The following ZNF717 variants were observed in gnomAD, a reference collection of about 807,000 sequenced individuals.
The protein encoded by ZNF717 is zinc finger protein 717.
A neutral mutation model predicts 13.8 loss-of-function variants in ZNF717; 9 were observed. That is an observed-to-expected ratio of 0.65 (90% confidence interval 0.39 to 1.14). The LOEUF is 1.14. Among genes scored for constraint, ZNF717 ranks in the 50% most tolerant of loss-of-function variants. ZNF717 has a pLI of 0.01. For missense variants in ZNF717, 1,040 were observed against 1,080.7 expected, an observed-to-expected ratio of 0.96 and a Z score of 0.53; for synonymous variants, 327 against 364.1, an observed-to-expected ratio of 0.90 and a Z score of 1.16.
rs113168258 is a variant in ZNF717, at chr3:75,738,125, T to C, written c.1498A>G (p.Thr500Ala). ...TCGTAGGGTTTTTCCCCTGTGTGAG[T>C]CCATTGATGGATAGTGAGGAATGAC... ...RKSFLTIHQW[T>A]HTGEKPYECN... The change falls in exon 5 of 5, where the codon ACT (threonine) becomes GCT (alanine). Residue 500 changes from threonine (T) to alanine (A), a missense_variant. By Grantham distance (58) the Thr-to-Ala change is moderately conservative (BLOSUM62 0). This residue lies in a region of ZNF717 where 873 missense variants were observed against 832.8 expected (regional missense o/e 1.05). Transcript: ENST00000652011. 1.5e-6 allele frequency: 2 copies of C among 1,356,774 alleles called. No homozygotes were observed. The highest frequency in any genetic ancestry group is 2.0e-6 in the Non-Finnish European group (2 of 1,014,804). The allele number at this position is 1,356,774 out of a possible 1,614,324, so 84.0% of individuals were successfully genotyped here.
intron 2 of ZNF717, among the ~76,000 whole-genome samples, chr3:75,764,705 T>C (rs1350604463): frequency 1.3e-5 from 2 of 151,976 alleles, no homozygotes; most frequent in East Asian, 3.9e-4. Flanking sequence ...ATTAGAGAAA[T>C]GCAAATAGAA....
intron 2 of ZNF717, among the ~76,000 whole-genome samples, chr3:75,777,926 T>C (rs1291346570): frequency 6.9e-6 from 1 of 145,462 alleles, no homozygotes; most frequent in Non-Finnish European, 1.5e-5. Flanking sequence ...GCGAGTGACA[T>C]GCTAAAACTG....
At chr3:75,697,064 G>C (rs1937611557) in intron 6 of ZNF717, among the ~76,000 whole-genome samples, 1 of 152,418 alleles carries the variant, frequency 6.6e-6, no homozygotes, top group East Asian at 1.9e-4. Flanking sequence ...CAGACCAACA[G>C]CTAGTATCAT....
rs1310921694 is a variant in ZNF717 at position 75,715,956 on chromosome 3, GT to G, written n.667+462del. 1.2e-4 allele frequency among the ~76,000 whole-genome samples: 17 copies of G among 142,378 alleles called. No homozygotes were observed. The South Asian group carries it at 1.7e-3, about 15-fold the overall frequency. 93.4% of individuals were successfully genotyped at this position (142,378 alleles called of 152,430 possible). A position where few individuals can be genotyped will look rare whatever the true frequency, so the allele number is the denominator to read the frequency against. ...CTTAATGTTTGAGAATGCGATTCTG[GT>G]TTTTTTTGGTTTGTTTTTTTGTTTT... On this transcript the variant is annotated intron_variant and non_coding_transcript_variant, in intron 5 of 5. Transcript: ENST00000491507.
At chr3:75,768,416 T>C (rs1381733295) in intron 2 of ZNF717, among the ~76,000 whole-genome samples, 2 of 129,488 alleles carry the variant, frequency 1.5e-5, no homozygotes, top group African/African-American at 6.0e-5. Context: ...TCACTGAGGC[T>C]GAGTGTGTCG....
Position 75,737,768 on chromosome 3 carries a change from A to T in ZNF717, c.1855T>A (p.Tyr619Asn), listed in dbSNP as rs77101176. Residue 619 changes from tyrosine to asparagine, a missense_variant, in exon 5 of 5, where the codon TAT (tyrosine) becomes AAT (asparagine). This residue lies in a region of ZNF717 where 873 missense variants were observed against 832.8 expected (regional missense o/e 1.05). Transcript: ENST00000652011. ...HKRTHTGERP[Y>N]ECNECGKTFR... ...GTTTTTCCACATTCATTACATTCAT[A>T]GGGTCTTTCCCCTGTGTGAGTTCTC... 1.3e-6 allele frequency: 2 copies of T among 1,550,758 alleles called. No homozygotes were observed. Among genetic ancestry groups the T allele is most frequent in the Non-Finnish European group, 1.7e-6 (2 of 1,146,120 alleles).
At chr3:75,734,812 T>C (rs1480290288), downstream of ZNF717, among the ~76,000 whole-genome samples, 1 of 17,826 alleles carries the variant, frequency 5.6e-5, no homozygotes, top group East Asian at 1.4e-3. Flanking sequence ...TATATATATA[T>C]ATATATTTTT....
chr3:75,763,493 T>G (rs1040100052), intron 2 of ZNF717, among the ~76,000 whole-genome samples: 2 of 152,234 alleles, frequency 1.3e-5, no homozygotes, highest in African/African-American at 4.8e-5. Context: ...ATCATGTATC[T>G]CATAAGAAGT....
intron 2 of ZNF717, chr3:75,742,000 A>G (rs1397805108): frequency 1.3e-5 from 6 of 472,564 alleles, no homozygotes; most frequent in Non-Finnish European, 2.2e-5. Context: ...TTTGTTTTGC[A>G]CTGTTTATGG....
In ZNF717 at chr3:75,738,579, A is replaced by C; in HGVS notation, c.1044T>G (p.Phe348Leu). The C allele has an allele frequency of 6.5e-7, 1 of 1,542,002 alleles. No individual in the cohort carries two copies. Among genetic ancestry groups the C allele is most frequent in the East Asian group, 2.5e-5 (1 of 40,598 alleles). Reference protein sequence around the residue: ...PYGCNECGKTFRRKSFLTLHE... With the variant: ...PYGCNECGKTLRRKSFLTLHE... Reference sequence around the variant, plus strand: ...GTAAAGTGAGGAATGACTTACGGCGAAAGGTTTTACCACATTCATTGCATC... The same window carrying C: ...GTAAAGTGAGGAATGACTTACGGCGCAAGGTTTTACCACATTCATTGCATC... Residue 348 changes from phenylalanine (F) to leucine (L), a missense_variant, in exon 5 of 5, where the codon TTT becomes TTG. Phe to Leu is a conservative substitution (Grantham distance 22, BLOSUM62 0). Around this residue, in one of 3 missense-constraint regions of ZNF717, gnomAD observed 873 missense variants for 832.8 expected, o/e 1.05. Coordinates refer to ENST00000652011, the MANE Select transcript of ZNF717 (RefSeq NM_001290208.3).
chr3:75,750,773 C>T (rs1941695751), intron 2 of ZNF717, among the ~76,000 whole-genome samples: 1 of 150,810 alleles, frequency 6.6e-6, no homozygotes, highest in African/African-American at 2.5e-5. Context: ...AACTCCCCTC[C>T]TGTGGTCTGA....
chr3:75,738,803 G>C lies in ZNF717; in HGVS notation c.820C>G (p.Gln274Glu), dbSNP rs1404763791. 22 of 1,552,642 alleles carry C rather than the reference G, an allele frequency of 1.4e-5. No individual in the cohort carries two copies. The South Asian group carries it at 2.6e-4, about 18-fold the overall frequency. ...CCRKSDFTKHQQTHTGEKPYE... is the reference protein window; with the variant it reads ...CCRKSDFTKHEQTHTGEKPYE... The stretch of plus-strand genomic sequence containing the variant: ...GGTTTCTCTCCTGTGTGTGTCTGCT[G>C]ATGTTTAGTGAAGTCAGACTTTCTA... The change falls in exon 5 of 5, where the codon CAG (glutamine) becomes GAG (glutamate). Residue 274 changes from glutamine to glutamate, a missense_variant. Gln to Glu is a conservative substitution (Grantham distance 29, BLOSUM62 2). Transcript: ENST00000652011.
intron 2 of ZNF717, among the ~76,000 whole-genome samples, chr3:75,779,247 A>C (rs1214959334): frequency 1.3e-5 from 2 of 151,730 alleles, no homozygotes; most frequent in Non-Finnish European, 2.9e-5. Flanking sequence ...AACCCAAAAT[A>C]ATGGGAGTGA....
At chr3:75,734,046 A>G (rs13091706), downstream of ZNF717, among the ~76,000 whole-genome samples, 47,151 of 150,240 alleles carry the variant, frequency 0.31, 8,922 homozygotes, top group Non-Finnish European at 0.43. Flanking sequence ...TACACATCTG[A>G]AAACTGAACC....
At chr3:75,784,581 C>G (rs1256311629) in intron 1 of ZNF717, among the ~76,000 whole-genome samples, 3 of 152,134 alleles carry the variant, frequency 2.0e-5, no homozygotes, top group Non-Finnish European at 4.4e-5. Flanking sequence ...TATGACAGGT[C>G]ACTCCTGTAC....
exon 6 of ZNF717, chr3:75,710,632 C>T (rs1430991102): frequency 6.6e-6 from 1 of 152,120 alleles, no homozygotes; most frequent in African/African-American, 2.4e-5. Flanking sequence ...TTGGTCATGA[C>T]ATCAGTTGGT....
downstream of ZNF717, among the ~76,000 whole-genome samples, chr3:75,729,765 A>ACCCC (rs1938411334): frequency 6.6e-6 from 1 of 152,198 alleles, no homozygotes; most frequent in Non-Finnish European, 1.5e-5. Flanking sequence ...AAAGCTTTTT[A>ACCCC]TCTTGGAGCC....
intron 2 of ZNF717, among the ~76,000 whole-genome samples, chr3:75,759,352 T>C (rs1223694649): frequency 6.6e-6 from 1 of 150,950 alleles, no homozygotes; most frequent in Non-Finnish European, 1.5e-5. Context: ...CTCGGCTCAC[T>C]GCAAGCTCCA....
At chr3:75,770,624 T>A (rs552232034) in intron 2 of ZNF717, among the ~76,000 whole-genome samples, 1 of 152,296 alleles carries the variant, frequency 6.6e-6, no homozygotes, top group South Asian at 2.1e-4. Flanking sequence ...TGACACCAGA[T>A]GAGCCTGAAT....
Sources: allele counts gnomAD v4.1 joint callset (sites outside exome capture counted in the v4.1 genomes callset), GRCh38; gene constraint gnomAD v4.1.1; regional missense constraint gnomAD v4.1.1; transcripts MANE v1.5; gene names NCBI Gene and HGNC (gene_info 2026-07-23, HGNC 2026-07-21).